The following NRXN3 variants were observed in gnomAD, a reference collection of about 807,000 sequenced individuals.
NRXN3 encodes neurexin III.
Under a neutral mutation model 137.6 loss-of-function variants are expected in NRXN3, and 32 were observed. That is an observed-to-expected ratio of 0.23 (90% confidence interval 0.18 to 0.31). The LOEUF is 0.31. Ranked by LOEUF, NRXN3 falls within the 10% of genes least tolerant of loss-of-function variation. NRXN3 has a pLI of 1.00. For synonymous variants in NRXN3, 798 were observed against 784.5 expected (o/e 1.02, Z -0.29); for missense variants, 1,574 against 2,062.5 (o/e 0.76, Z 4.59).
Position 79,692,185 on chromosome 14 carries a change from A to G in NRXN3, c.3629A>G (p.Asn1210Ser), listed in dbSNP as rs2098719215. Residue 1210 changes from asparagine (N) to serine (S), a missense_variant, in exon 18 of 21, where the codon AAT becomes AGT. Physicochemically the swap from Asn to Ser is conservative, Grantham distance 46 (BLOSUM62 1). This residue lies in a region of NRXN3 where 133 missense variants were observed against 241.8 expected (regional missense o/e 0.55). Coordinates refer to ENST00000335750, the MANE Select transcript of NRXN3 (RefSeq NM_001330195.2). ...TTAAACTTTAAAGGCAACACTGATA[A>G]TGAACGCTTCCAAATGGTAAAACAG... ...NEHYPTGNTD[N>S]ERFQMVKQKI... 2 of 1,608,618 alleles carry G rather than the reference A, an allele frequency of 1.2e-6. No individual in the cohort carries two copies. The highest frequency in any genetic ancestry group is 1.7e-6 in the Non-Finnish European group (2 of 1,177,534).
At chr14:79,362,368 G>A (rs12590794) in intron 15 of NRXN3, among the ~76,000 whole-genome samples, 59,019 of 150,556 alleles carry the variant, frequency 0.39, 12,607 homozygotes, top group Admixed American at 0.5. Flanking sequence ...TTTTGGCTAC[G>A]TAGTTATGTT....
At chr14:78,739,764 T>C (rs1445956312) in intron 8 of NRXN3, among the ~76,000 whole-genome samples, 1 of 152,158 alleles carries the variant, frequency 6.6e-6, no homozygotes, top group Non-Finnish European at 1.5e-5. Context: ...CATCTCCTTG[T>C]ATCTTATGTT....
intron 9 of NRXN3, among the ~76,000 whole-genome samples, chr14:78,807,267 A>G (rs1387928588): frequency 6.6e-6 from 1 of 152,232 alleles, no homozygotes; most frequent in African/African-American, 2.4e-5. Context: ...CTTCAATGGC[A>G]GACTCTGAGG....
At chr14:79,134,383 A>G (rs1344249140) in intron 15 of NRXN3, among the ~76,000 whole-genome samples, 1 of 152,254 alleles carries the variant, frequency 6.6e-6, no homozygotes, top group Non-Finnish European at 1.5e-5. Context: ...GAAGACAAAA[A>G]AAATGGTAAG....
intron 20 of NRXN3, among the ~76,000 whole-genome samples, chr14:79,854,468 G>T (rs2293844): frequency 0.42 from 63,964 of 151,734 alleles, 13,989 homozygotes; most frequent in East Asian, 0.56. Context: ...CATTTGTGTC[G>T]ATTTGCTGAA....
intron 15 of NRXN3, among the ~76,000 whole-genome samples, chr14:79,187,041 C>T (rs79395770): frequency 2.6e-5 from 4 of 152,142 alleles, no homozygotes; most frequent in Non-Finnish European, 5.9e-5. Flanking sequence ...GAGTTTCCTT[C>T]TTACCATTTT....
At chr14:79,406,323 G>A (rs1280003466) in intron 15 of NRXN3, among the ~76,000 whole-genome samples, 1 of 134,146 alleles carries the variant, frequency 7.5e-6, no homozygotes, top group Non-Finnish European at 1.5e-5. Flanking sequence ...TCTCTTTCTT[G>A]AGACAGGGTC....
intron 4 of NRXN3, among the ~76,000 whole-genome samples, chr14:78,406,034 T>A (rs2092462485): frequency 6.6e-6 from 1 of 152,150 alleles, no homozygotes; most frequent in Admixed American, 6.5e-5. Flanking sequence ...TGAGGGAAAC[T>A]GTTTACTTCA....
At chr14:78,570,190 G>C (rs1341796761) in intron 4 of NRXN3, among the ~76,000 whole-genome samples, 1 of 152,152 alleles carries the variant, frequency 6.6e-6, no homozygotes, top group Non-Finnish European at 1.5e-5. Context: ...ATAAGGGTGA[G>C]GTCCTTAGAA....
intron 15 of NRXN3, among the ~76,000 whole-genome samples, chr14:79,249,482 G>T (rs575993994): frequency 6.6e-6 from 1 of 152,282 alleles, no homozygotes; most frequent in African/African-American, 2.4e-5. Context: ...GAGAAAATGT[G>T]AAAAGTCTCA....
intron 16 of NRXN3, among the ~76,000 whole-genome samples, chr14:79,634,263 A>G (rs892539336): frequency 1.3e-5 from 2 of 152,176 alleles, no homozygotes; most frequent in Non-Finnish European, 2.9e-5. Context: ...CTAAGGCTAT[A>G]TAATGTCGAG....
At chr14:79,126,479 C>A (rs1423829226) in intron 15 of NRXN3, among the ~76,000 whole-genome samples, 1 of 152,052 alleles carries the variant, frequency 6.6e-6, no homozygotes, top group East Asian at 1.9e-4. Flanking sequence ...CCAATTTCAT[C>A]CATGTCCCTA....
chr14:79,462,857 A>AT (rs547306155), intron 15 of NRXN3, among the ~76,000 whole-genome samples: 1 of 20,010 alleles, frequency 5.0e-5, no homozygotes. Context: ...GTGCATACAC[A>AT]ATGAATGTAT....
intron 16 of NRXN3, among the ~76,000 whole-genome samples, chr14:79,485,867 T>C (rs553760524): frequency 6.6e-6 from 1 of 152,198 alleles, no homozygotes; most frequent in Admixed American, 6.5e-5. Context: ...AAGGGGGAAA[T>C]GATGATTTTT....
chr14:79,373,692 A>G (rs757784941), intron 15 of NRXN3, among the ~76,000 whole-genome samples: 1 of 152,220 alleles, frequency 6.6e-6, no homozygotes, highest in African/African-American at 2.4e-5. Context: ...GAATAAATGC[A>G]CATAATTACA....
At chr14:79,082,391 TTGTG>T (rs57728169) in intron 15 of NRXN3, among the ~76,000 whole-genome samples, 12 of 146,932 alleles carry the variant, frequency 8.2e-5, no homozygotes, top group African/African-American at 2.5e-4. Flanking sequence ...TGCAAACTAA[TTGTG>T]TGTGTGTGTG....
chr14:78,398,500 G>T (rs75022223), intron 4 of NRXN3, among the ~76,000 whole-genome samples: 1 of 152,018 alleles, frequency 6.6e-6, no homozygotes, highest in Non-Finnish European at 1.5e-5. Flanking sequence ...TCTCTACTTG[G>T]CCAATATTGA....
intron 15 of NRXN3, among the ~76,000 whole-genome samples, chr14:79,388,528 T>C (rs1208434929): frequency 1.3e-5 from 2 of 152,088 alleles, no homozygotes; most frequent in Non-Finnish European, 2.9e-5. Flanking sequence ...GACAGTTCTT[T>C]CAGAGGATTT....
At chr14:79,610,284 T>C (rs537498609) in intron 16 of NRXN3, among the ~76,000 whole-genome samples, 16 of 152,312 alleles carry the variant, frequency 1.1e-4, no homozygotes, top group African/African-American at 3.8e-4. Flanking sequence ...TCTGGGTTCA[T>C]TACTTGTTAG....
Sources: allele counts gnomAD v4.1 joint callset (sites outside exome capture counted in the v4.1 genomes callset), GRCh38; gene constraint gnomAD v4.1.1; regional missense constraint gnomAD v4.1.1; transcripts MANE v1.5; gene names NCBI Gene and HGNC (gene_info 2026-07-23, HGNC 2026-07-21).